HECW2: variants seen among roughly 807,000 people sequenced by gnomAD.
HECW2 encodes E3 ubiquitin-protein ligase HECW2.
In HECW2, 61 loss-of-function variants were observed where a neutral mutation model predicts 175.2. That is an observed-to-expected ratio of 0.35 (90% CI 0.28 to 0.43). The LOEUF (loss-of-function observed/expected upper bound fraction) is 0.43. HECW2 is among the 20% of genes least tolerant of loss of function. The pLI is 1.00. For missense variants in HECW2, 1,524 were observed against 2,000.5 expected (o/e 0.76, Z 4.54); for synonymous variants, 671 against 731.0 (o/e 0.92, Z 1.32).
At chr2:196,475,336 A>G (rs2125360798) in intron 1 of HECW2, among the ~76,000 whole-genome samples, 1 of 133,690 alleles carries the variant, frequency 7.5e-6, no homozygotes, top group East Asian at 2.4e-4. Flanking sequence ...AGATGGGGGG[A>G]GAGGGAGGGA....
At chr2:196,463,405 CAA>C (rs34754004) in intron 1 of HECW2, among the ~76,000 whole-genome samples, 26 of 55,652 alleles carry the variant, frequency 4.7e-4, no homozygotes, top group Admixed American at 6.5e-4. Context: ...CTCTACCCTG[CAA>C]AAAAAAAAAA....
chr2:196,245,960 G>T (rs1336405453), intron 19 of HECW2, among the ~76,000 whole-genome samples: 1 of 152,164 alleles, frequency 6.6e-6, no homozygotes, highest in African/African-American at 2.4e-5. Context: ...TGGGACCCAG[G>T]CATGAGTGTT....
intron 2 of HECW2, among the ~76,000 whole-genome samples, chr2:196,358,585 CAAAAAAAAAAAAAAAAA>C (rs144181608): frequency 1.5e-5 from 1 of 67,328 alleles, no homozygotes; most frequent in Admixed American, 2.6e-4. Flanking sequence ...GACTCTGTCT[CAAAAAAAAAAAAAAAAA>C]AAAAAAAAAA....
chr2:196,445,714 G>A (rs1456895722), intron 1 of HECW2, among the ~76,000 whole-genome samples: 3 of 152,292 alleles, frequency 2.0e-5, no homozygotes, highest in South Asian at 2.1e-4. Flanking sequence ...GTAAAGAAAA[G>A]TCTAATGAGA....
chr2:196,582,342 A>G (rs1025140575), intron 1 of HECW2, among the ~76,000 whole-genome samples: 2 of 152,200 alleles, frequency 1.3e-5, no homozygotes, highest in African/African-American at 4.8e-5. Flanking sequence ...AGAAGGTTCC[A>G]GCTATGGTCC....
At chr2:196,262,331 G>A (rs1689328332) in intron 17 of HECW2, among the ~76,000 whole-genome samples, 2 of 151,820 alleles carry the variant, frequency 1.3e-5, no homozygotes, top group Non-Finnish European at 2.9e-5. Context: ...GCATCAGCCT[G>A]GCTTCTTCTT....
At chr2:196,569,109 G>A (rs1254034638) in intron 1 of HECW2, among the ~76,000 whole-genome samples, 4 of 152,170 alleles carry the variant, frequency 2.6e-5, no homozygotes, top group Admixed American at 6.5e-5. Context: ...AGGCCAGGGA[G>A]GAGAATCACT....
chr2:196,307,836 C>T (rs1436288081), intron 11 of HECW2, 99 bp downstream of exon 11: 2 of 1,169,996 alleles, frequency 1.7e-6, no homozygotes, highest in Non-Finnish European at 2.3e-6. Context: ...CGACAGGACA[C>T]ACAAAGATCA....
intron 2 of HECW2, among the ~76,000 whole-genome samples, chr2:196,402,025 C>CGT (rs1694832540): frequency 6.6e-6 from 1 of 151,544 alleles, no homozygotes; most frequent in African/African-American, 2.4e-5. Flanking sequence ...ATGGTGAAAC[C>CGT]GTGTCTCTAC....
chr2:196,380,289 T>G (rs1216299641), intron 2 of HECW2, among the ~76,000 whole-genome samples: 1 of 152,228 alleles, frequency 6.6e-6, no homozygotes, highest in Non-Finnish European at 1.5e-5. Context: ...AGCTCTGCCT[T>G]AACTTTTACT....
chr2:196,304,129 G>A (rs547517769), intron 13 of HECW2, among the ~76,000 whole-genome samples: 185 of 152,262 alleles, frequency 1.2e-3, no homozygotes, highest in African/African-American at 3.9e-3. Flanking sequence ...GCCAGATCAT[G>A]CAAGCCCAAC....
intron 5 of HECW2, among the ~76,000 whole-genome samples, chr2:196,328,754 ATC>A (rs1190424340): frequency 6.6e-6 from 1 of 152,196 alleles, no homozygotes; most frequent in Non-Finnish European, 1.5e-5. Context: ...TAGCATAGTT[ATC>A]TGTTTTAAAA....
intron 1 of HECW2, among the ~76,000 whole-genome samples, chr2:196,442,630 T>A (rs1182837765): frequency 3.3e-5 from 5 of 152,200 alleles, no homozygotes; most frequent in Non-Finnish European, 7.3e-5. Flanking sequence ...AAAAACATAT[T>A]TTTAAGATTT....
chr2:196,268,355 T>C (rs987485505), intron 17 of HECW2, among the ~76,000 whole-genome samples: 1 of 152,228 alleles, frequency 6.6e-6, no homozygotes, highest in Non-Finnish European at 1.5e-5. Flanking sequence ...TAGATTACCA[T>C]GTGAATCCTA....
chr2:196,585,500 C>T (rs1025863914), intron 1 of HECW2, among the ~76,000 whole-genome samples: 10 of 152,152 alleles, frequency 6.6e-5, no homozygotes, highest in African/African-American at 2.4e-4. Context: ...AGCTGGATAT[C>T]GGACATTAGG....
In HECW2 at chr2:196,324,995, T is replaced by G. The variant is rs1173033238; in HGVS notation, c.726A>C (p.Pro242=). 6.4e-7 allele frequency: 1 copy of G among 1,570,826 alleles called. No homozygotes were observed. Among genetic ancestry groups the G allele is most frequent in the Admixed American group, 2.0e-5 (1 of 49,308 alleles). The change falls in exon 6 of 29, where the codon CCA becomes CCC. Residue 242 remains proline (P), a synonymous_variant. Transcript: ENST00000644978. ...RSTIISNTTN[P]IWHREKYSFF... ...ATCATCTTACCTCTCGGTGCCAAATTGGATTGGTGGTGTTACTGATGATAG... is the reference window on the plus strand; with the variant it reads ...ATCATCTTACCTCTCGGTGCCAAATGGGATTGGTGGTGTTACTGATGATAG...
chr2:196,301,587 A>G (rs1009657781), intron 13 of HECW2, among the ~76,000 whole-genome samples: 3 of 152,034 alleles, frequency 2.0e-5, no homozygotes, highest in African/African-American at 7.2e-5. Flanking sequence ...GCATGAGATG[A>G]CATCTCATTG....
chr2:196,223,858 G>A (rs1687756981), intron 23 of HECW2, among the ~76,000 whole-genome samples: 1 of 152,134 alleles, frequency 6.6e-6, no homozygotes, highest in East Asian at 1.9e-4. Flanking sequence ...TTGGAGAGAA[G>A]AAGATGAATT....
chr2:196,461,154 T>C (rs890649360), intron 1 of HECW2, among the ~76,000 whole-genome samples: 4 of 151,630 alleles, frequency 2.6e-5, no homozygotes, highest in Non-Finnish European at 2.9e-5. Flanking sequence ...CACAGCCTGA[T>C]AGGAAGGAAG....
Sources: allele counts gnomAD v4.1 joint callset (sites outside exome capture counted in the v4.1 genomes callset), GRCh38; gene constraint gnomAD v4.1.1; transcripts MANE v1.5; gene names NCBI Gene and HGNC (gene_info 2026-07-23, HGNC 2026-07-21).